The following KHDRBS3 variants were observed in gnomAD, a reference collection of about 807,000 sequenced individuals.
KHDRBS3 encodes the protein KH RNA binding domain containing, signal transduction associated 3.
In KHDRBS3, 23 loss-of-function variants were observed where a neutral mutation model predicts 45.6. The observed-to-expected ratio is 0.50, with a 90% CI of 0.36 to 0.72. The LOEUF is 0.72. KHDRBS3 is among the 30% of genes least tolerant of loss of function. KHDRBS3 has a pLI of 0.00. For synonymous variants in KHDRBS3, 162 were observed against 156.5 expected, an observed-to-expected ratio of 1.04 and a Z score of -0.26; for missense variants, 352 against 424.8, an observed-to-expected ratio of 0.83 and a Z score of 1.51.
intron 1 of KHDRBS3, among the ~76,000 whole-genome samples, chr8:135,474,774 G>A (rs1252048216): frequency 1.3e-5 from 2 of 152,184 alleles, no homozygotes; most frequent in Non-Finnish European, 2.9e-5. Flanking sequence ...GGTTTTCTAT[G>A]GCTGCCATAA....
intron 6 of KHDRBS3, among the ~76,000 whole-genome samples, chr8:135,604,956 G>A (rs1357192832): frequency 6.7e-6 from 1 of 149,674 alleles, no homozygotes; most frequent in Non-Finnish European, 1.5e-5. Flanking sequence ...TTGTTAATAT[G>A]GCTTCCTATT....
At chr8:135,649,047 T>C (rs958342308), downstream of KHDRBS3, among the ~76,000 whole-genome samples, 5 of 152,126 alleles carry the variant, frequency 3.3e-5, no homozygotes, top group African/African-American at 9.7e-5. Context: ...GGAAACATGG[T>C]TTTCTGTGCT....
At chr8:135,649,022 T>G (rs1302576419), downstream of KHDRBS3, among the ~76,000 whole-genome samples, 1 of 152,156 alleles carries the variant, frequency 6.6e-6, no homozygotes, top group Non-Finnish European at 1.5e-5. Flanking sequence ...TTGACAGTAT[T>G]TATCTTAGTC....
intron 7 of KHDRBS3, among the ~76,000 whole-genome samples, chr8:135,616,487 T>C (rs1245073935): frequency 6.6e-6 from 1 of 152,218 alleles, no homozygotes; most frequent in Admixed American, 6.5e-5. Flanking sequence ...TTCTTGAGAC[T>C]ACATGAGATT....
At chr8:135,554,634 T>G (rs2130820267) in intron 4 of KHDRBS3, among the ~76,000 whole-genome samples, 1 of 152,302 alleles carries the variant, frequency 6.6e-6, no homozygotes, top group South Asian at 2.1e-4. Flanking sequence ...TTCCTGTCAA[T>G]CACAGTTACT....
chr8:135,472,311 A>G (rs963143143), intron 1 of KHDRBS3, among the ~76,000 whole-genome samples: 2 of 152,080 alleles, frequency 1.3e-5, no homozygotes, highest in Non-Finnish European at 2.9e-5. Flanking sequence ...TCTAAACTCC[A>G]GGTTTTCACT....
chr8:135,460,218 C>T (rs1586540145), intron 1 of KHDRBS3, among the ~76,000 whole-genome samples: 1 of 152,334 alleles, frequency 6.6e-6, no homozygotes, highest in Non-Finnish European at 1.5e-5. Context: ...ACTGTGTTTT[C>T]AGCAGTTATT....
chr8:135,472,223 G>A (rs1822053055), intron 1 of KHDRBS3, among the ~76,000 whole-genome samples: 1 of 152,184 alleles, frequency 6.6e-6, no homozygotes, highest in African/African-American at 2.4e-5. Flanking sequence ...ACTAGCCTTG[G>A]CTCTGGTACT....
rs901386650 is a variant in KHDRBS3, at chr8:135,589,480, C to T, written c.807+7407C>T. 4.6e-5 allele frequency among the ~76,000 whole-genome samples: 7 copies of T among 152,156 alleles called. No individual in the cohort carries two copies. In the South Asian group the frequency reaches 6.2e-4, roughly 14 times the overall value. ...TTTGCATTCAGTCTATCCCAATTGC[C>T]GTCCCTTAAACATAGCAGGAACTGT... On this transcript the variant is annotated intron_variant, in intron 6 of 8. Coordinates refer to ENST00000355849, the MANE Select transcript of KHDRBS3 (RefSeq NM_006558.3).
At chr8:135,567,702 G>A (rs1411161876) in intron 5 of KHDRBS3, among the ~76,000 whole-genome samples, 1 of 152,160 alleles carries the variant, frequency 6.6e-6, no homozygotes, top group Non-Finnish European at 1.5e-5. Context: ...ATCCGTAACT[G>A]CTTCTATGTC....
downstream of KHDRBS3, among the ~76,000 whole-genome samples, chr8:135,652,257 C>A (rs976117265): frequency 1.3e-5 from 2 of 152,174 alleles, no homozygotes; most frequent in Non-Finnish European, 2.9e-5. Flanking sequence ...CCTCCCTTAT[C>A]GATGGAAAAT....
At chr8:135,542,020 C>G (rs1826071216) in intron 2 of KHDRBS3, 1 of 152,136 alleles carries the variant, frequency 6.6e-6, no homozygotes, top group African/African-American at 2.4e-5. Flanking sequence ...TCATGGTAGT[C>G]TGGTTACAGA....
intron 1 of KHDRBS3, among the ~76,000 whole-genome samples, chr8:135,486,339 A>G (rs1268222502): frequency 6.6e-6 from 1 of 152,208 alleles, no homozygotes; most frequent in East Asian, 1.9e-4. Context: ...AACATTTTGG[A>G]TGAATGGATG....
intron 6 of KHDRBS3, among the ~76,000 whole-genome samples, chr8:135,606,528 G>T (rs1829470490): frequency 6.6e-6 from 1 of 152,066 alleles, no homozygotes; most frequent in African/African-American, 2.4e-5. Flanking sequence ...GCCTTATTCT[G>T]CCCCCTCCAG....
At chr8:135,650,318 T>A (rs1204782607), downstream of KHDRBS3, among the ~76,000 whole-genome samples, 1 of 152,194 alleles carries the variant, frequency 6.6e-6, no homozygotes, top group Non-Finnish European at 1.5e-5. Context: ...TGCCCTCTCT[T>A]CCATGATGTC....
At chr8:135,458,145 A>G in intron 1 of KHDRBS3, 191 bp downstream of exon 1, 2 of 1,351,854 alleles carry the variant, frequency 1.5e-6, no homozygotes, top group Non-Finnish European at 1.9e-6. Flanking sequence ...CCCTGATGTG[A>G]ATTTTGGGGA....
intron 6 of KHDRBS3, among the ~76,000 whole-genome samples, chr8:135,596,757 G>GA (rs764170439): frequency 6.6e-6 from 1 of 152,158 alleles, no homozygotes; most frequent in Non-Finnish European, 1.5e-5. Flanking sequence ...TTTTGTAACT[G>GA]AAAAGAACTA....
chr8:135,481,830 C>T (rs1822594052), intron 1 of KHDRBS3, among the ~76,000 whole-genome samples: 1 of 152,112 alleles, frequency 6.6e-6, no homozygotes, highest in Admixed American at 6.6e-5. Context: ...ATAATTGGTG[C>T]TGTCACTGCT....
chr8:135,553,555 T>A (rs1302262468), intron 4 of KHDRBS3, among the ~76,000 whole-genome samples: 1 of 152,194 alleles, frequency 6.6e-6, no homozygotes, highest in Non-Finnish European at 1.5e-5. Context: ...ATAATGAACA[T>A]TGAGGTTACT....
Sources: gnomAD v4.1 joint callset for allele counts (sites outside exome capture counted in the v4.1 genomes callset) on GRCh38, gnomAD v4.1.1 for gene constraint, MANE v1.5 for transcripts, NCBI Gene and HGNC (gene_info 2026-07-23, HGNC 2026-07-21) for gene names.